Variants in ZDHHC14 observed in about 807,000 individuals in gnomAD.
ZDHHC14 encodes zDHHC palmitoyltransferase 14.
In ZDHHC14, 16 loss-of-function variants were observed where a neutral mutation model predicts 47.7. The observed-to-expected ratio is 0.34, with a 90% CI of 0.23 to 0.51. ZDHHC14 has a LOEUF of 0.51. ZDHHC14 is among the 20% of genes least tolerant of loss of function. The pLI is 0.97. For synonymous variants in ZDHHC14, 293 were observed against 278.9 expected (o/e 1.05, Z -0.50); for missense variants, 515 against 662.5 (o/e 0.78, Z 2.44).
At chr6:157,638,854 G>A (rs1583056587) in intron 5 of ZDHHC14, among the ~76,000 whole-genome samples, 2 of 152,354 alleles carry the variant, frequency 1.3e-5, no homozygotes, top group East Asian at 3.9e-4. Flanking sequence ...GGACCTCCGT[G>A]CAGGGCTGTG....
chr6:157,496,849 A>G (rs2114733908), intron 1 of ZDHHC14, among the ~76,000 whole-genome samples: 1 of 152,322 alleles, frequency 6.6e-6, no homozygotes, highest in East Asian at 1.9e-4. Flanking sequence ...ACCTGCATGA[A>G]CTGCCCAAGG....
At chr6:157,498,624 T>C (rs1340161136) in intron 1 of ZDHHC14, among the ~76,000 whole-genome samples, 1 of 152,244 alleles carries the variant, frequency 6.6e-6, no homozygotes, top group Non-Finnish European at 1.5e-5. Context: ...GAGATAAACA[T>C]GATCTCTTCA....
intron 8 of ZDHHC14, among the ~76,000 whole-genome samples, chr6:157,668,633 G>A (rs1455443427): frequency 1.3e-5 from 2 of 152,148 alleles, no homozygotes; most frequent in African/African-American, 4.8e-5. Flanking sequence ...CCAGGAGGCA[G>A]AGGCTGCAGT....
intron 2 of ZDHHC14, among the ~76,000 whole-genome samples, chr6:157,549,115 G>A (rs1782111589): frequency 6.6e-6 from 1 of 152,232 alleles, no homozygotes; most frequent in South Asian, 2.1e-4. Context: ...CCGCTGCACA[G>A]TGCTGCCCAC....
At chr6:157,387,005 G>A (rs1777324154) in intron 1 of ZDHHC14, among the ~76,000 whole-genome samples, 1 of 152,202 alleles carries the variant, frequency 6.6e-6, no homozygotes, top group Non-Finnish European at 1.5e-5. Context: ...CATATGAGGT[G>A]AGGAATGTCT....
At chr6:157,606,420 C>T (rs868351510) in intron 3 of ZDHHC14, among the ~76,000 whole-genome samples, 7 of 152,024 alleles carry the variant, frequency 4.6e-5, no homozygotes, top group Non-Finnish European at 1.0e-4. Context: ...GAGCAGAGAT[C>T]GCGCCACTGC....
chr6:157,464,026 A>AAAAAT (rs747312015), intron 1 of ZDHHC14, among the ~76,000 whole-genome samples: 1 of 152,228 alleles, frequency 6.6e-6, no homozygotes, highest in African/African-American at 2.4e-5. Flanking sequence ...TTCTGTCTCA[A>AAAAAT]AAAATAAAAT....
chr6:157,617,264 C>CT (rs1161267084), intron 3 of ZDHHC14, among the ~76,000 whole-genome samples: 1 of 152,154 alleles, frequency 6.6e-6, no homozygotes, highest in African/African-American at 2.4e-5. Flanking sequence ...TGAGGGTTCC[C>CT]TGAGGAAAGA....
chr6:157,556,377 T>C (rs1262546741), intron 2 of ZDHHC14, among the ~76,000 whole-genome samples: 1 of 152,194 alleles, frequency 6.6e-6, no homozygotes, highest in Non-Finnish European at 1.5e-5. Flanking sequence ...CAGAGGCTAC[T>C]GTGATTCCCA....
chr6:157,434,442 C>T (rs776142953), intron 1 of ZDHHC14, among the ~76,000 whole-genome samples: 18 of 152,078 alleles, frequency 1.2e-4, no homozygotes, highest in Admixed American at 2.0e-4. Context: ...AGTGGCCCTG[C>T]GTTCTCCTTT....
In ZDHHC14 at chr6:157,407,628, A is replaced by T. The variant is rs1016439576; in HGVS notation, c.245+25362A>T. On this transcript the variant is annotated intron_variant, in intron 1 of 8. Coordinates refer to ENST00000359775, the MANE Select transcript of ZDHHC14 (RefSeq NM_024630.3). The stretch of plus-strand genomic sequence containing the variant: ...CTCAGCTGTAAAGTAAAAGAGAATT[A>T]AAAAAAGGTGGTCTCTTTTGAAAAT... 1.2e-4 allele frequency among the ~76,000 whole-genome samples: 19 copies of T among 152,300 alleles called. 1 individual carries two copies. In the South Asian group the frequency reaches 2.1e-3, roughly 17 times the overall value.
At chr6:157,592,652 G>A (rs2114891623) in intron 2 of ZDHHC14, 2 of 797,428 alleles carry the variant, frequency 2.5e-6, no homozygotes, top group Admixed American at 1.0e-4. Flanking sequence ...TGTCTCCCAA[G>A]ATGGCCTGGG....
At chr6:157,432,542 C>T (rs756480700) in intron 1 of ZDHHC14, among the ~76,000 whole-genome samples, 7 of 152,120 alleles carry the variant, frequency 4.6e-5, no homozygotes, top group South Asian at 2.1e-4. Context: ...CACTGTCTTC[C>T]GGAGCAATTT....
chr6:157,467,515 T>TTTTTTTTA (rs1554259501), intron 1 of ZDHHC14, among the ~76,000 whole-genome samples: 1 of 136,298 alleles, frequency 7.3e-6, no homozygotes, highest in Non-Finnish European at 1.6e-5. Flanking sequence ...TCATTCCTCA[T>TTTTTTTTA]TTTATTTATT....
chr6:157,393,955 G>A (rs1464697022), intron 1 of ZDHHC14, among the ~76,000 whole-genome samples: 1 of 152,100 alleles, frequency 6.6e-6, no homozygotes, highest in Non-Finnish European at 1.5e-5. Context: ...CCTGCTTAGA[G>A]CACCTGCCCC....
At chr6:157,408,358 G>C (rs1583619542) in intron 1 of ZDHHC14, among the ~76,000 whole-genome samples, 1 of 151,954 alleles carries the variant, frequency 6.6e-6, no homozygotes, top group Non-Finnish European at 1.5e-5. Context: ...TTGTTACATA[G>C]GTAAACGTGT....
chr6:157,670,394 A>G (rs762102593), intron 8 of ZDHHC14, among the ~76,000 whole-genome samples: 1 of 152,150 alleles, frequency 6.6e-6, no homozygotes, highest in Non-Finnish European at 1.5e-5. Flanking sequence ...TCTGGGCTCA[A>G]ATGATTCTCC....
At chr6:157,584,769 A>T (rs1194662738) in intron 2 of ZDHHC14, among the ~76,000 whole-genome samples, 1 of 152,200 alleles carries the variant, frequency 6.6e-6, no homozygotes, top group Non-Finnish European at 1.5e-5. Context: ...GGCTGGTTGC[A>T]AGGGTAACAC....
intron 8 of ZDHHC14, among the ~76,000 whole-genome samples, chr6:157,660,435 C>T (rs1290607331): frequency 2.6e-5 from 4 of 152,120 alleles, no homozygotes. Context: ...TCAGGAGATC[C>T]ACCTGCCTTG....
Sources: gnomAD v4.1 joint callset for allele counts (sites outside exome capture counted in the v4.1 genomes callset) on GRCh38, gnomAD v4.1.1 for gene constraint, MANE v1.5 for transcripts, NCBI Gene and HGNC (gene_info 2026-07-23, HGNC 2026-07-21) for gene names.